SUSD4: variants seen among roughly 807,000 people sequenced by gnomAD.
The protein encoded by SUSD4 is sushi domain-containing protein 4.
In SUSD4, 41 loss-of-function variants were observed where a neutral mutation model predicts 50.5. That is an observed-to-expected ratio of 0.81 (90% CI 0.63 to 1.05). SUSD4 has a LOEUF of 1.05. SUSD4 is among the 50% of genes least tolerant of loss of function. SUSD4 has a pLI of 0.00. For synonymous variants in SUSD4, 257 were observed against 257.3 expected, an observed-to-expected ratio of 1.00 and a Z score of 0.01; for missense variants, 580 against 634.7, an observed-to-expected ratio of 0.91 and a Z score of 0.93.
chr1:223,363,214 C>A (rs758141931), intron 2 of SUSD4, 64 bp downstream of exon 2: 2 of 1,431,002 alleles, frequency 1.4e-6, no homozygotes, highest in Non-Finnish European at 1.8e-6. Context: ...GCTGTCCTGG[C>A]AGCTAGGCTC....
chr1:223,264,105 CTGA>C, intron 5 of SUSD4: 1 of 985,416 alleles, frequency 1.0e-6, no homozygotes, highest in Non-Finnish European at 1.2e-6. Context: ...CTTCATACTA[CTGA>C]TTAGTGGTCT....
chr1:223,294,175 T>C (rs1450004250), intron 2 of SUSD4, among the ~76,000 whole-genome samples: 4 of 152,112 alleles, frequency 2.6e-5, no homozygotes, highest in South Asian at 2.1e-4. Flanking sequence ...CAAATATACA[T>C]AACTCTATGT....
chr1:223,364,502 G>A (rs1353547244), upstream of SUSD4, among the ~76,000 whole-genome samples: 1 of 149,302 alleles, frequency 6.7e-6, no homozygotes, highest in African/African-American at 2.4e-5. The surrounding 1 kb of genome is among the most constrained non-coding windows in gnomAD (Gnocchi z 4.5). Flanking sequence ...CGCGACCAAT[G>A]GGAAGCCCGC....
chr1:223,280,539 A>G (rs1199824576), intron 3 of SUSD4, among the ~76,000 whole-genome samples: 1 of 152,250 alleles, frequency 6.6e-6, no homozygotes, highest in Non-Finnish European at 1.5e-5. Flanking sequence ...AGAGCTAACT[A>G]TCTTAAATAT....
chr1:223,270,652 C>A (rs1662853017), intron 3 of SUSD4, among the ~76,000 whole-genome samples: 1 of 152,166 alleles, frequency 6.6e-6, no homozygotes, highest in Non-Finnish European at 1.5e-5. Context: ...TCACTGCAAC[C>A]TCCACCTCGC....
chr1:223,293,714 G>A (rs574064106), intron 2 of SUSD4, among the ~76,000 whole-genome samples: 1 of 152,338 alleles, frequency 6.6e-6, no homozygotes, highest in South Asian at 2.1e-4. Flanking sequence ...GGAGACCTAA[G>A]AAATTTTGTG....
At chr1:223,276,097 C>A (rs1293840895) in intron 3 of SUSD4, among the ~76,000 whole-genome samples, 1 of 152,156 alleles carries the variant, frequency 6.6e-6, no homozygotes, top group African/African-American at 2.4e-5. Flanking sequence ...TTGGAAGGAC[C>A]CGAGTGGGGG....
chr1:223,351,060 T>A (rs1007471647), intron 2 of SUSD4, among the ~76,000 whole-genome samples: 1 of 152,272 alleles, frequency 6.6e-6, no homozygotes, highest in African/African-American at 2.4e-5. Flanking sequence ...TTAACTTATT[T>A]AATTCTCACA....
chr1:223,322,089 T>A (rs142710588), intron 2 of SUSD4, among the ~76,000 whole-genome samples: 345 of 152,334 alleles, frequency 2.3e-3, no homozygotes, highest in Admixed American at 4.0e-3. Flanking sequence ...GCATTTTGGA[T>A]TTCGGATTTC....
chr1:223,289,115 G>C (rs1664322992), intron 3 of SUSD4: 31 of 985,346 alleles, frequency 3.1e-5, no homozygotes, highest in Non-Finnish European at 3.7e-5. Flanking sequence ...TTTAGTCACT[G>C]TACTTACTAG....
chr1:223,301,729 T>A (rs1665211078), intron 2 of SUSD4, among the ~76,000 whole-genome samples: 2 of 152,150 alleles, frequency 1.3e-5, no homozygotes. Context: ...AGGAAAAACT[T>A]CAAAAAACCT....
intron 2 of SUSD4, among the ~76,000 whole-genome samples, chr1:223,293,349 C>T (rs1664618725): frequency 6.6e-6 from 1 of 152,190 alleles, no homozygotes; most frequent in Admixed American, 6.5e-5. Flanking sequence ...ACTGCTGTAG[C>T]GTCAACACAG....
At chr1:223,278,017 C>G (rs886354847) in intron 3 of SUSD4, among the ~76,000 whole-genome samples, 2 of 152,048 alleles carry the variant, frequency 1.3e-5, no homozygotes, top group Non-Finnish European at 2.9e-5. Context: ...TGCAGGAGGT[C>G]TGAATATGTA....
intron 7 of SUSD4, among the ~76,000 whole-genome samples, chr1:223,225,461 C>T (rs369511815): frequency 6.6e-6 from 1 of 151,890 alleles, no homozygotes; most frequent in Non-Finnish European, 1.5e-5. Flanking sequence ...CCAGAGAGGG[C>T]GGGAGACCAC....
rs1571903436 is a variant in SUSD4 at position 223,257,993 on chromosome 1, G to A, written c.724+6637C>T. Among the ~76,000 whole-genome samples, 3 of 152,320 alleles carry A rather than the reference G, an allele frequency of 2.0e-5. No individual in the cohort carries two copies. In the East Asian group the frequency reaches 5.8e-4, roughly 29 times the overall value. On this transcript the variant is annotated intron_variant, in intron 5 of 8. Transcript: ENST00000366878. ...AAACGGGAGCAGCCTGTCCCAGGGT[G>A]GGCCCTCATCACACCCCCTTTGAGT...
chr1:223,331,983 C>T (rs1156253306), intron 2 of SUSD4, among the ~76,000 whole-genome samples: 2 of 152,210 alleles, frequency 1.3e-5, no homozygotes, highest in African/African-American at 4.8e-5. Context: ...CCATGCTGAC[C>T]TCTCACCTGT....
At chr1:223,261,088 C>T (rs952997523) in intron 5 of SUSD4, among the ~76,000 whole-genome samples, 1 of 152,170 alleles carries the variant, frequency 6.6e-6, no homozygotes, top group African/African-American at 2.4e-5. Context: ...CTGCCTGGCT[C>T]ACTGGCTGAA....
At chr1:223,300,289 A>G (rs942284849) in intron 2 of SUSD4, among the ~76,000 whole-genome samples, 2 of 152,172 alleles carry the variant, frequency 1.3e-5, no homozygotes, top group Non-Finnish European at 2.9e-5. Context: ...CTGGTTCTCA[A>G]TGAAGGCTGA....
At chr1:223,233,128 A>ATCTCATCATCTGG (rs1280857723) in intron 5 of SUSD4, among the ~76,000 whole-genome samples, 1 of 152,034 alleles carries the variant, frequency 6.6e-6, no homozygotes, top group Non-Finnish European at 1.5e-5. Flanking sequence ...TCATCACCAC[A>ATCTCATCATCTGG]TTTTCTCAGA....
Sources: allele counts gnomAD v4.1 joint callset (sites outside exome capture counted in the v4.1 genomes callset), GRCh38; gene constraint gnomAD v4.1.1; non-coding constraint Gnocchi (gnomAD v3.1); transcripts MANE v1.5; gene names NCBI Gene and HGNC (gene_info 2026-07-23, HGNC 2026-07-21).